The following KAZN variants were observed in gnomAD, a reference collection of about 807,000 sequenced individuals.
KAZN encodes the protein kazrin.
In KAZN, 40 loss-of-function variants were observed where a neutral mutation model predicts 87.4. That is an observed-to-expected ratio of 0.46 (90% CI 0.36 to 0.60). The LOEUF (loss-of-function observed/expected upper bound fraction) is 0.60, where lower values mean the gene tolerates loss of function less well. Ranked by LOEUF, KAZN falls within the 20% of genes least tolerant of loss-of-function variation. The probability of loss-of-function intolerance (pLI) is 0.00; values close to 1 mark genes in which losing one functional copy is unlikely to be tolerated. For synonymous variants in KAZN, 466 were observed against 458.3 expected (o/e 1.02, Z -0.22); for missense variants, 898 against 1,073.9 (o/e 0.84, Z 2.29).
At chr1:14,050,181 CAT>C (rs1642264665) in intron 1 of KAZN, among the ~76,000 whole-genome samples, 1 of 149,912 alleles carries the variant, frequency 6.7e-6, no homozygotes, top group Non-Finnish European at 1.5e-5. Context: ...TGTGTGCGCA[CAT>C]GTGTGTACAC....
intron 1 of KAZN, among the ~76,000 whole-genome samples, chr1:14,858,656 C>T (rs552364270): frequency 1.3e-5 from 2 of 152,292 alleles, no homozygotes; most frequent in South Asian, 4.1e-4. Flanking sequence ...GAATAGATCT[C>T]TGTGAAAACA....
At chr1:14,119,676 A>G (rs923422233) in intron 1 of KAZN, among the ~76,000 whole-genome samples, 1 of 152,170 alleles carries the variant, frequency 6.6e-6, no homozygotes, top group African/African-American at 2.4e-5. Context: ...AGTGTGGGAC[A>G]TGCTGAAAAG....
chr1:14,958,067 C>T (rs1019401477), intron 1 of KAZN, among the ~76,000 whole-genome samples: 2 of 152,186 alleles, frequency 1.3e-5, no homozygotes, highest in South Asian at 2.1e-4. Context: ...GGGAGAGAGG[C>T]GCCCCATCCT....
At chr1:15,011,576 C>A (rs1338911804) in intron 2 of KAZN, among the ~76,000 whole-genome samples, 1 of 152,108 alleles carries the variant, frequency 6.6e-6, no homozygotes, top group East Asian at 1.9e-4. Flanking sequence ...GCCTGTGTTA[C>A]CTACTTATTG....
In KAZN at chr1:14,710,218, T is replaced by C. The variant is rs56700180; in HGVS notation, c.226+110995T>C. ...CTGGTCTCTGAGAGCATCTTCAGAA[T>C]TTACCCATTTCCCCCAACTCCATTG... is the stretch of plus-strand genomic sequence containing the variant. On this transcript the variant is annotated intron_variant, in intron 1 of 14. Transcript: ENST00000376030. Among the ~76,000 whole-genome samples, 1,237 of 152,264 alleles carry C rather than the reference T, an allele frequency of 8.1e-3. 8 individuals carry two copies. The highest frequency in any genetic ancestry group is 0.044 in the Middle Eastern group (13 of 294).
chr1:14,756,920 A>G (rs1644584651), intron 1 of KAZN, among the ~76,000 whole-genome samples: 1 of 152,210 alleles, frequency 6.6e-6, no homozygotes, highest in Admixed American at 6.5e-5. Flanking sequence ...GGTAACGGAG[A>G]GGCTCGTCAT....
intron 2 of KAZN, among the ~76,000 whole-genome samples, chr1:14,586,634 G>A (rs1235255872): frequency 1.3e-5 from 2 of 150,680 alleles, no homozygotes; most frequent in Non-Finnish European, 2.9e-5. Context: ...GGACTCAAGT[G>A]ACCCTCCGGC....
At chr1:14,079,503 A>G (rs1048269158) in intron 1 of KAZN, among the ~76,000 whole-genome samples, 2 of 152,216 alleles carry the variant, frequency 1.3e-5, no homozygotes, top group African/African-American at 4.8e-5. Flanking sequence ...CGATGTTAAC[A>G]TCACGTGTAG....
intron 1 of KAZN, among the ~76,000 whole-genome samples, chr1:14,024,425 T>C (rs114584870): frequency 6.6e-6 from 1 of 152,242 alleles, no homozygotes; most frequent in African/African-American, 2.4e-5. Context: ...AACAGAAAAA[T>C]AAAACAGCCA....
chr1:14,419,903 C>T (rs1571600513), intron 2 of KAZN, among the ~76,000 whole-genome samples: 1 of 152,084 alleles, frequency 6.6e-6, no homozygotes. Context: ...GAGCGAGCAA[C>T]AATGGGATTT....
intron 2 of KAZN, among the ~76,000 whole-genome samples, chr1:14,371,404 C>G (rs1291504299): frequency 1.3e-5 from 2 of 152,094 alleles, no homozygotes; most frequent in Admixed American, 1.3e-4. Flanking sequence ...TTTTAGGGAT[C>G]AAGGCTAAGC....
intron 2 of KAZN, among the ~76,000 whole-genome samples, chr1:14,446,829 G>C (rs60936775): frequency 0.025 from 3,806 of 152,140 alleles, 184 homozygotes; most frequent in East Asian, 0.17. Context: ...TCTAAGGAAA[G>C]ATCCCCATCC....
chr1:14,726,604 G>A (rs1643395984), intron 1 of KAZN, among the ~76,000 whole-genome samples: 1 of 152,186 alleles, frequency 6.6e-6, no homozygotes, highest in Non-Finnish European at 1.5e-5. Flanking sequence ...AAAGATTATG[G>A]TGTCCCCTAC....
At chr1:14,603,123 T>G (rs1677106638) in intron 1 of KAZN, among the ~76,000 whole-genome samples, 1 of 152,260 alleles carries the variant, frequency 6.6e-6, no homozygotes, top group East Asian at 1.9e-4. Flanking sequence ...GTGAGTAGTC[T>G]GTGGAGACGC....
chr1:14,241,177 G>A (rs1648903656), intron 2 of KAZN, among the ~76,000 whole-genome samples: 1 of 152,200 alleles, frequency 6.6e-6, no homozygotes, highest in African/African-American at 2.4e-5. Flanking sequence ...GGGTGGGGCA[G>A]CCTCTTTTGT....
intron 1 of KAZN, among the ~76,000 whole-genome samples, chr1:14,705,000 A>T (rs908118765): frequency 6.6e-6 from 1 of 152,192 alleles, no homozygotes; most frequent in Non-Finnish European, 1.5e-5. Flanking sequence ...TGGTTTCTAT[A>T]TTAGTCATTT....
chr1:14,142,647 G>A (rs925562967), intron 1 of KAZN, among the ~76,000 whole-genome samples: 16 of 152,208 alleles, frequency 1.1e-4, no homozygotes, highest in African/African-American at 3.6e-4. Context: ...TTGGCTGTTA[G>A]CTCTTTAGAG....
chr1:14,967,962 T>A (rs1664635213), intron 2 of KAZN, among the ~76,000 whole-genome samples: 1 of 152,224 alleles, frequency 6.6e-6, no homozygotes, highest in African/African-American at 2.4e-5. Context: ...ACCGGTTTCA[T>A]GGAAGACAGT....
At chr1:14,094,168 G>A (rs148173144) in intron 1 of KAZN, among the ~76,000 whole-genome samples, 76 of 152,216 alleles carry the variant, frequency 5.0e-4, no homozygotes, top group Middle Eastern at 6.8e-3. Context: ...AGTGAGAAAC[G>A]GGAGGGCAGG....
Sources: allele counts gnomAD v4.1 joint callset (sites outside exome capture counted in the v4.1 genomes callset), GRCh38; gene constraint gnomAD v4.1.1; transcripts MANE v1.5; gene names NCBI Gene and HGNC (gene_info 2026-07-23, HGNC 2026-07-21).